MTHFD1L: variants seen among roughly 807,000 people sequenced by gnomAD.
MTHFD1L encodes monofunctional C1-tetrahydrofolate synthase, mitochondrial.
Under a neutral mutation model 119.5 loss-of-function variants are expected in MTHFD1L, and 81 were observed. The ratio of observed to expected loss-of-function variants is 0.68; its 90% confidence interval spans 0.57 to 0.82. The LOEUF (loss-of-function observed/expected upper bound fraction) is 0.82. Ranked by LOEUF, MTHFD1L falls within the 40% of genes least tolerant of loss-of-function variation. MTHFD1L has a pLI of 0.00. For missense variants in MTHFD1L, 1,125 were observed against 1,253.4 expected (o/e 0.90, Z 1.55); for synonymous variants, 430 against 475.2 (o/e 0.90, Z 1.24).
At chr6:150,907,897 ATTT>A (rs11442424) in intron 8 of MTHFD1L, among the ~76,000 whole-genome samples, 1 of 140,856 alleles carries the variant, frequency 7.1e-6, no homozygotes, top group Non-Finnish European at 1.5e-5. Flanking sequence ...GCTCTGTGAA[ATTT>A]TTTTTTTTTT....
chr6:151,041,477 C>T lies in MTHFD1L; in HGVS notation c.2847+4360C>T, dbSNP rs1469526345. Among the ~76,000 whole-genome samples, 3 of 152,174 alleles carry T rather than the reference C, an allele frequency of 2.0e-5. No individual in the cohort carries two copies. The East Asian group carries it at 5.8e-4, about 29-fold the overall frequency. Reference sequence around the variant, plus strand: ...TGAATCACTCTTCTGCTTAGTCACCCAATGTGCACTTATTAGGGTGCTGCT... The same window carrying T: ...TGAATCACTCTTCTGCTTAGTCACCTAATGTGCACTTATTAGGGTGCTGCT... On this transcript the variant is annotated intron_variant, in intron 26 of 27. Transcript: ENST00000367321.
chr6:151,012,299 T>C (rs915882362), intron 21 of MTHFD1L, among the ~76,000 whole-genome samples: 15 of 152,214 alleles, frequency 9.9e-5, no homozygotes, highest in Admixed American at 8.5e-4. Flanking sequence ...CTCTATTCCA[T>C]AGTGCTCATC....
chr6:151,064,178 G>C (rs1450710214), intron 26 of MTHFD1L, among the ~76,000 whole-genome samples: 1 of 152,168 alleles, frequency 6.6e-6, no homozygotes, highest in Non-Finnish European at 1.5e-5. Context: ...TCAATTTGAA[G>C]AGTTGTCTCT....
intron 20 of MTHFD1L, among the ~76,000 whole-genome samples, chr6:150,993,548 G>A (rs1395691941): frequency 6.6e-6 from 1 of 152,164 alleles, no homozygotes; most frequent in Non-Finnish European, 1.5e-5. Flanking sequence ...CTGGCCTTAA[G>A]TGATCCTCCT....
chr6:150,991,747 A>T (rs1461054527), intron 20 of MTHFD1L, among the ~76,000 whole-genome samples: 1 of 152,212 alleles, frequency 6.6e-6, no homozygotes, highest in Non-Finnish European at 1.5e-5. Context: ...CATTAGATGA[A>T]GTCATATTCT....
chr6:150,950,732 C>T (rs1794728343), intron 16 of MTHFD1L, among the ~76,000 whole-genome samples: 1 of 152,142 alleles, frequency 6.6e-6, no homozygotes, highest in South Asian at 2.1e-4. Flanking sequence ...TGCAGTGGTG[C>T]GATCTAGGCT....
chr6:150,876,576 C>CT (rs1187301448), intron 2 of MTHFD1L, among the ~76,000 whole-genome samples: 1 of 152,180 alleles, frequency 6.6e-6, no homozygotes, highest in Non-Finnish European at 1.5e-5. Flanking sequence ...TCTTTTTACT[C>CT]TATCTTTTAA....
At chr6:150,866,642 C>G in intron 1 of MTHFD1L, 4 of 1,202,916 alleles carry the variant, frequency 3.3e-6, no homozygotes, top group Non-Finnish European at 4.1e-6. Flanking sequence ...AAAGGTGGAG[C>G]CGGGCCCCCG....
At chr6:151,080,114 A>T (rs1792999408) in intron 26 of MTHFD1L, among the ~76,000 whole-genome samples, 1 of 151,788 alleles carries the variant, frequency 6.6e-6, no homozygotes. Flanking sequence ...GGAGGTGGAG[A>T]TTTCAGTGAG....
At chr6:150,973,986 T>C (rs1366878774) in intron 20 of MTHFD1L, among the ~76,000 whole-genome samples, 2 of 152,244 alleles carry the variant, frequency 1.3e-5, no homozygotes, top group African/African-American at 4.8e-5. Flanking sequence ...TATGTTCAGG[T>C]CAGCAATTAT....
chr6:150,931,296 A>G (rs1387535676), intron 11 of MTHFD1L, among the ~76,000 whole-genome samples: 11 of 137,584 alleles, frequency 8.0e-5, no homozygotes, highest in Non-Finnish European at 1.7e-4. Context: ...TTTTTTCTGC[A>G]GAGGGCCAAA....
intron 26 of MTHFD1L, among the ~76,000 whole-genome samples, chr6:151,050,696 C>T (rs78311352): frequency 0.019 from 2,831 of 152,042 alleles, 114 homozygotes; most frequent in African/African-American, 0.065. Flanking sequence ...AACTGGAAGC[C>T]ACCCCACCTG....
At chr6:150,961,904 T>TTGTA (rs899855195) in intron 18 of MTHFD1L, among the ~76,000 whole-genome samples, 6 of 152,236 alleles carry the variant, frequency 3.9e-5, no homozygotes, top group African/African-American at 1.2e-4. Context: ...TTTTATTAAT[T>TTGTA]TGTATGGCAA....
chr6:150,979,864 C>G (rs971783391), intron 20 of MTHFD1L, among the ~76,000 whole-genome samples: 3 of 152,064 alleles, frequency 2.0e-5, no homozygotes, highest in Admixed American at 1.3e-4. Context: ...CTATACCCAG[C>G]TAGTGGCTTG....
At chr6:151,085,013 T>A (rs186989322) in intron 26 of MTHFD1L, among the ~76,000 whole-genome samples, 4,672 of 129,530 alleles carry the variant, frequency 0.036, 128 homozygotes, top group Admixed American at 0.1. Flanking sequence ...ATGTATATAT[T>A]TATATATGTA....
intron 21 of MTHFD1L, 76 bp from the exon 22 acceptor site, chr6:151,013,703 T>C (rs1209946896): frequency 4.6e-6 from 6 of 1,306,768 alleles, no homozygotes; most frequent in Non-Finnish European, 6.6e-6. Flanking sequence ...AATGTGATTA[T>C]GTTGTTCTTT....
chr6:150,935,371 A>T, intron 11 of MTHFD1L: 1 of 1,613,918 alleles, frequency 6.2e-7, no homozygotes, highest in African/African-American at 1.3e-5. Flanking sequence ...TTGCTAACAA[A>T]CAAGACTTGA....
At chr6:151,010,890 T>C (rs554734611) in intron 21 of MTHFD1L, among the ~76,000 whole-genome samples, 12 of 152,244 alleles carry the variant, frequency 7.9e-5, no homozygotes, top group Non-Finnish European at 1.3e-4. Flanking sequence ...TATTGCATAG[T>C]CAAAACAAGT....
At chr6:150,987,072 T>C (rs1232054014) in intron 20 of MTHFD1L, among the ~76,000 whole-genome samples, 1 of 152,184 alleles carries the variant, frequency 6.6e-6, no homozygotes, top group African/African-American at 2.4e-5. Context: ...AGGCTTTTAA[T>C]GTTAAAGTCT....
Sources: gnomAD v4.1 joint callset for allele counts (sites outside exome capture counted in the v4.1 genomes callset) on GRCh38, gnomAD v4.1.1 for gene constraint, MANE v1.5 for transcripts, NCBI Gene and HGNC (gene_info 2026-07-23, HGNC 2026-07-21) for gene names.